The following CDON variants were observed in gnomAD, a reference collection of about 807,000 sequenced individuals.
CDON encodes the protein cell adhesion associated, oncogene regulated, also known as cell adhesion molecule-related/down-regulated by oncogenes.
A neutral mutation model predicts 120.9 loss-of-function variants in CDON; 73 were observed. That is an observed-to-expected ratio of 0.60 (90% CI 0.50 to 0.73). The LOEUF is 0.73. CDON is among the 30% of genes least tolerant of loss of function. The probability of loss-of-function intolerance (pLI) is 0.00; values close to 1 mark genes in which losing one functional copy is unlikely to be tolerated. For synonymous variants in CDON, 566 were observed against 573.5 expected, an observed-to-expected ratio of 0.99 and a Z score of 0.19; for missense variants, 1,470 against 1,587.3, an observed-to-expected ratio of 0.93 and a Z score of 1.26.
intron 18 of CDON, among the ~76,000 whole-genome samples, chr11:125,966,104 G>A (rs1405561086): frequency 2.7e-5 from 4 of 149,590 alleles, no homozygotes; most frequent in African/African-American, 4.9e-5. Flanking sequence ...GCCATTGCAC[G>A]CCAGCCTGGG....
At chr11:125,980,402 A>C (rs1161090460) in intron 17 of CDON, among the ~76,000 whole-genome samples, 1 of 152,254 alleles carries the variant, frequency 6.6e-6, no homozygotes, top group African/African-American at 2.4e-5. Flanking sequence ...CAAACAAAAG[A>C]AGCCCATGAA....
At chr11:126,023,935 T>A (rs968286950) in intron 1 of CDON, among the ~76,000 whole-genome samples, 1 of 152,246 alleles carries the variant, frequency 6.6e-6, no homozygotes, top group Non-Finnish European at 1.5e-5. Flanking sequence ...ACGGAGTGCT[T>A]ACTATGTGCC....
intron 16 of CDON, among the ~76,000 whole-genome samples, chr11:125,981,801 GACA>G (rs975664688): frequency 4.0e-5 from 6 of 151,796 alleles, no homozygotes; most frequent in African/African-American, 1.5e-4. Context: ...TGCATAAAAT[GACA>G]ACAAAAGACT....
rs886047979 is a variant in CDON, at chr11:126,023,438, A to C, written c.39T>G (p.Tyr13Ter). 4 of 1,613,336 alleles carry C rather than the reference A, an allele frequency of 2.5e-6. No individual in the cohort carries two copies. The highest frequency in any genetic ancestry group is 3.4e-6 in the Non-Finnish European group (4 of 1,179,368). ...PDLGPLCTLLYVTLTILCSSV... is the reference protein window; with the variant it reads ...PDLGPLCTLL ...AAGAGCACAGAATTGTAAGAGTAAC[A>C]TACAGCAGTGTACATAAGGGTCCAA... The change falls in exon 2 of 20, where the codon TAT (tyrosine) becomes TAG (stop). Residue 13 changes from tyrosine to a stop codon, truncating the protein, a stop_gained. Coordinates refer to ENST00000531738, the MANE Select transcript of CDON (RefSeq NM_001378964.1). LOFTEE classifies it high-confidence loss of function.
chr11:125,998,636 A>G (rs905674541), intron 11 of CDON, among the ~76,000 whole-genome samples: 6 of 152,350 alleles, frequency 3.9e-5, no homozygotes, highest in African/African-American at 1.4e-4. Context: ...ACAGGCTAAC[A>G]CAACAAGCAA....
intron 1 of CDON, among the ~76,000 whole-genome samples, chr11:126,029,202 G>A (rs1947883646): frequency 6.6e-6 from 1 of 152,108 alleles, no homozygotes; most frequent in Non-Finnish European, 1.5e-5. Flanking sequence ...CTCTATTAGG[G>A]ATTTTTTTAA....
intron 11 of CDON, among the ~76,000 whole-genome samples, chr11:125,999,996 C>T (rs892815060): frequency 2.0e-5 from 3 of 152,196 alleles, no homozygotes; most frequent in East Asian, 3.8e-4. Flanking sequence ...TCTGTATCGT[C>T]GTTCTCCTTT....
At chr11:126,056,005 A>C (rs1948672578) in intron 1 of CDON, among the ~76,000 whole-genome samples, 1 of 152,158 alleles carries the variant, frequency 6.6e-6, no homozygotes, top group Admixed American at 6.5e-5. Context: ...CTACCTCCAA[A>C]ATCATGTACG....
At chr11:126,039,163 G>A (rs571098530) in intron 1 of CDON, among the ~76,000 whole-genome samples, 51 of 152,228 alleles carry the variant, frequency 3.4e-4, no homozygotes, top group Non-Finnish European at 6.2e-4. Flanking sequence ...ACAAAAACTT[G>A]GGCATAAATC....
At position 126,016,114 on chromosome 11, in the gene CDON, T is replaced by G. The variant is rs117265781; in HGVS notation, c.929-604A>C. Among the ~76,000 whole-genome samples the G allele has an allele frequency of 6.1e-3, 925 of 152,340 alleles. 4 individuals carry two copies. The highest frequency in any genetic ancestry group is 9.7e-3 in the Non-Finnish European group (657 of 68,034). On this transcript the variant is annotated intron_variant, in intron 6 of 19. Coordinates refer to ENST00000531738, the MANE Select transcript of CDON (RefSeq NM_001378964.1). ...CCAAAGCCCACTTGTCATACACTTA[T>G]GTTAATTCCAGTGTTGCTAACCTAT...
At position 125,958,274 on chromosome 11, in the gene CDON, A is replaced by T. The variant is rs868443155; in HGVS notation, c.*2668T>A. Reference sequence around the variant, plus strand: ...ATGGCTCCAGATAAACTAGGTTCGGATTCAGGTCCCATGGCTCACTGAGTG... The same window carrying T: ...ATGGCTCCAGATAAACTAGGTTCGGTTTCAGGTCCCATGGCTCACTGAGTG... On this transcript the variant is annotated 3_prime_UTR_variant, in exon 20 of 20. Transcript: ENST00000531738. The T allele has an allele frequency of 6.6e-6, 1 of 152,158 alleles. No individual in the cohort carries two copies. 9.4% of individuals were successfully genotyped at this position (152,158 alleles called of 1,614,324 possible).
intron 7 of CDON, among the ~76,000 whole-genome samples, chr11:126,013,219 A>G (rs1271008094): frequency 6.6e-6 from 1 of 152,058 alleles, no homozygotes; most frequent in Non-Finnish European, 1.5e-5. Flanking sequence ...TCTTTTTTAC[A>G]CTGTCCTGGC....
chr11:125,989,665 A>G lies in CDON; in HGVS notation c.2745T>C (p.Phe915=). 2.5e-6 allele frequency: 4 copies of G among 1,613,614 alleles called. No individual in the cohort carries two copies. Among genetic ancestry groups the G allele is most frequent in the Non-Finnish European group, 3.4e-6 (4 of 1,179,608 alleles). ...QCFNEGGESE[F]SNVMICETKV... Reference sequence around the variant, plus strand: ...TAGTCTCGCAGATCATCACATTGCTAAATTCACTTTCTCCTCCTTCATTGA... The same window carrying G: ...TAGTCTCGCAGATCATCACATTGCTGAATTCACTTTCTCCTCCTTCATTGA... The change falls in exon 15 of 20, where the codon TTT becomes TTC. Residue 915 remains phenylalanine (F), a synonymous_variant. Transcript: ENST00000531738.
chr11:126,048,848 C>T lies in CDON; in HGVS notation c.-62+13731G>A, dbSNP rs1477617937. The stretch of plus-strand genomic sequence containing the variant: ...CCTCCCAAGTAGCTGGGATTACAGG[C>T]ATGCGCCACCACACCTGGCTAATTT... On this transcript the variant is annotated intron_variant, in intron 1 of 19. Transcript: ENST00000531738. Among the ~76,000 whole-genome samples, 3 of 152,160 alleles carry T rather than the reference C, an allele frequency of 2.0e-5. No homozygotes were observed. The East Asian group carries it at 5.8e-4, about 29-fold the overall frequency.
At chr11:125,971,357 T>C (rs1327328648) in intron 18 of CDON, among the ~76,000 whole-genome samples, 2 of 150,450 alleles carry the variant, frequency 1.3e-5, no homozygotes, top group Non-Finnish European at 3.0e-5. Context: ...CACTCCAGCC[T>C]GGGCGACACA....
At chr11:126,016,853 T>C (rs556525142) in intron 6 of CDON, among the ~76,000 whole-genome samples, 25 of 152,270 alleles carry the variant, frequency 1.6e-4, no homozygotes, top group Non-Finnish European at 2.8e-4. Context: ...ATTTCTATAT[T>C]GTACAACGAG....
intron 1 of CDON, among the ~76,000 whole-genome samples, chr11:126,043,039 A>T (rs553304416): frequency 6.6e-6 from 1 of 152,296 alleles, no homozygotes; most frequent in Non-Finnish European, 1.5e-5. Context: ...TTCGACACCT[A>T]AGTAACAAAA....
chr11:125,988,540 G>C (rs1320324343), intron 15 of CDON, among the ~76,000 whole-genome samples: 1 of 152,294 alleles, frequency 6.6e-6, no homozygotes, highest in East Asian at 1.9e-4. Flanking sequence ...CTTCTGGGCT[G>C]CTTATTTTGG....
At chr11:125,996,887 G>C (rs1335793209) in intron 12 of CDON, among the ~76,000 whole-genome samples, 1 of 151,240 alleles carries the variant, frequency 6.6e-6, no homozygotes, top group Non-Finnish European at 1.5e-5. Flanking sequence ...CTAAAAATAT[G>C]CATCTGCCAG....
Sources: gnomAD v4.1 joint callset for allele counts (sites outside exome capture counted in the v4.1 genomes callset) on GRCh38, gnomAD v4.1.1 for gene constraint, MANE v1.5 for transcripts, NCBI Gene and HGNC (gene_info 2026-07-23, HGNC 2026-07-21) for gene names.